The following PAFAH1B1 variants were observed in gnomAD, a reference collection of about 807,000 sequenced individuals.
The protein encoded by PAFAH1B1 is platelet activating factor acetylhydrolase 1b regulatory subunit 1, also known as platelet-activating factor acetylhydrolase IB subunit beta.
Under a neutral mutation model 57.5 loss-of-function variants are expected in PAFAH1B1, and 2 were observed. That is an observed-to-expected ratio of 0.03 (90% CI 0.01 to 0.11). The LOEUF (loss-of-function observed/expected upper bound fraction) is 0.11, where lower values mean the gene tolerates loss of function less well. Ranked by LOEUF, PAFAH1B1 falls within the 10% of genes least tolerant of loss-of-function variation. PAFAH1B1 has a pLI of 1.00. For missense variants in PAFAH1B1, 257 were observed against 512.0 expected, an observed-to-expected ratio of 0.50 and a Z score of 4.81; for synonymous variants, 152 against 169.6, an observed-to-expected ratio of 0.90 and a Z score of 0.81.
At chr17:2,671,366 G>A (rs964154590) in intron 6 of PAFAH1B1, among the ~76,000 whole-genome samples, 2 of 150,768 alleles carry the variant, frequency 1.3e-5, no homozygotes, top group African/African-American at 4.9e-5. Context: ...GCGCCACCAC[G>A]CCCGTCTAAT....
intron 1 of PAFAH1B1, chr17:2,635,316 A>T (rs895513921): frequency 6.6e-6 from 1 of 152,198 alleles, no homozygotes; most frequent in African/African-American, 2.4e-5. Flanking sequence ...TATGTGTTTT[A>T]TCATTATTAG....
chr17:2,638,738 C>G (rs934757913), intron 2 of PAFAH1B1: 1 of 197,342 alleles, frequency 5.1e-6, no homozygotes, highest in South Asian at 8.1e-5. Flanking sequence ...GAACTCCTGA[C>G]CTCAAGTGAT....
intron 1 of PAFAH1B1, among the ~76,000 whole-genome samples, chr17:2,621,200 T>A (rs1239288751): frequency 2.0e-5 from 3 of 152,204 alleles, no homozygotes; most frequent in African/African-American, 7.2e-5. Flanking sequence ...CCATTCGTTA[T>A]TTTTGCTGAT....
At position 2,683,100 on chromosome 17, in the gene PAFAH1B1, G is replaced by A. The variant is rs2151676620; in HGVS notation, c.*1298G>A. 1.3e-5 allele frequency: 2 copies of A among 152,314 alleles called. No individual in the cohort carries two copies. Among genetic ancestry groups the A allele is most frequent in the South Asian group, 4.1e-4 (2 of 4,828 alleles). 9.4% of individuals were successfully genotyped at this position (152,314 alleles called of 1,614,324 possible). Reference sequence around the variant, plus strand: ...GCTTCTGAAAACTAGGTCTGACTCTGGGGATTTTTTTCCAGCCGAAGGAAA... The same window carrying A: ...GCTTCTGAAAACTAGGTCTGACTCTAGGGATTTTTTTCCAGCCGAAGGAAA... On this transcript the variant is annotated 3_prime_UTR_variant, in exon 11 of 11. Transcript: ENST00000397195.
intron 1 of PAFAH1B1, among the ~76,000 whole-genome samples, chr17:2,610,192 C>CA (rs2068252129): frequency 6.6e-6 from 1 of 152,210 alleles, no homozygotes. Flanking sequence ...CTAGCCGACT[C>CA]AGACTTTCAC....
intron 2 of PAFAH1B1, among the ~76,000 whole-genome samples, chr17:2,647,819 A>G (rs533906140): frequency 6.6e-6 from 1 of 151,912 alleles, no homozygotes; most frequent in African/African-American, 2.4e-5. Context: ...CCTGGCTAAC[A>G]CAGTGAAACT....
intron 1 of PAFAH1B1, among the ~76,000 whole-genome samples, chr17:2,598,728 A>T (rs1004507897): frequency 6.6e-6 from 1 of 152,104 alleles, no homozygotes; most frequent in South Asian, 2.1e-4. Flanking sequence ...AATCCTCGTC[A>T]TTGAAGGTCA....
chr17:2,671,393 G>A (rs950331828), intron 6 of PAFAH1B1, among the ~76,000 whole-genome samples: 4 of 151,928 alleles, frequency 2.6e-5, no homozygotes, highest in Non-Finnish European at 4.4e-5. Context: ...ATTTTTAGTA[G>A]AGACGGGGTT....
chr17:2,670,064 G>A, intron 5 of PAFAH1B1, 99 bp from the exon 6 acceptor site: 1 of 920,694 alleles, frequency 1.1e-6, no homozygotes, highest in Non-Finnish European at 1.8e-6. Context: ...TGTTCGGTTA[G>A]TTACTCAGTA....
chr17:2,614,744 T>G (rs757014868), intron 1 of PAFAH1B1, among the ~76,000 whole-genome samples: 3 of 152,070 alleles, frequency 2.0e-5, no homozygotes, highest in Admixed American at 6.6e-5. Flanking sequence ...ATGGCTAGAT[T>G]TTATAATTTT....
chr17:2,616,879 C>T (rs1002585040), intron 1 of PAFAH1B1, among the ~76,000 whole-genome samples: 18 of 151,072 alleles, frequency 1.2e-4, no homozygotes, highest in African/African-American at 3.7e-4. Flanking sequence ...CTGGCTAACA[C>T]GGTGAAACCC....
rs188343756 is a variant in PAFAH1B1, at chr17:2,596,186, A to G, written c.-191+2180A>G. Reference sequence around the variant, plus strand: ...TATTTGTCCCTGTGTGTGTGTGTGTATATATTAATATATAAAGATACACAC... The same window carrying G: ...TATTTGTCCCTGTGTGTGTGTGTGTGTATATTAATATATAAAGATACACAC... On this transcript the variant is annotated intron_variant, in intron 1 of 10. Transcript: ENST00000397195. 1.3e-4 allele frequency among the ~76,000 whole-genome samples: 20 copies of G among 152,092 alleles called. No homozygotes were observed. In the East Asian group the frequency reaches 1.5e-3, roughly 12 times the overall value.
chr17:2,677,025 C>T (rs1236060830), intron 9 of PAFAH1B1, among the ~76,000 whole-genome samples: 3 of 152,096 alleles, frequency 2.0e-5, no homozygotes, highest in South Asian at 2.1e-4. Context: ...TGGTGGCGGG[C>T]GCCTGTAGTC....
intron 1 of PAFAH1B1, among the ~76,000 whole-genome samples, chr17:2,598,118 G>A (rs1168276388): frequency 2.0e-5 from 3 of 152,044 alleles, no homozygotes; most frequent in South Asian, 2.1e-4. Context: ...GCATGGTGGC[G>A]CACACCTGTA....
At chr17:2,653,130 T>G (rs527761516) in intron 2 of PAFAH1B1, among the ~76,000 whole-genome samples, 90 of 152,250 alleles carry the variant, frequency 5.9e-4, no homozygotes, top group African/African-American at 2.1e-3. Context: ...GGGACATGGA[T>G]GAAGCTGGAA....
intron 2 of PAFAH1B1, among the ~76,000 whole-genome samples, chr17:2,664,627 A>G (rs537882732): frequency 8.3e-5 from 11 of 131,936 alleles, no homozygotes; most frequent in African/African-American, 2.6e-4. Context: ...CTGGTCTCCA[A>G]CTCCTGACTT....
chr17:2,602,283 A>G (rs1184720162), intron 1 of PAFAH1B1, among the ~76,000 whole-genome samples: 1 of 152,158 alleles, frequency 6.6e-6, no homozygotes, highest in Non-Finnish European at 1.5e-5. Flanking sequence ...GGGCCTATCA[A>G]TTTGAGAGTT....
At position 2,684,594 on chromosome 17, in the gene PAFAH1B1, TG is replaced by T. The variant is rs750252646; in HGVS notation, c.*2793del. 7.2e-5 allele frequency: 11 copies of T among 152,684 alleles called. No homozygotes were observed. Among genetic ancestry groups the T allele is most frequent in the Non-Finnish European group, 1.5e-4 (10 of 68,058 alleles). 9.5% of individuals were successfully genotyped at this position (152,684 alleles called of 1,614,324 possible). A position where few individuals can be genotyped will look rare whatever the true frequency, so the allele number is the denominator to read the frequency against. On this transcript the variant is annotated 3_prime_UTR_variant, in exon 11 of 11. Coordinates refer to ENST00000397195, the MANE Select transcript of PAFAH1B1 (RefSeq NM_000430.4). ...TGTAACGTGCCCAAGAAATCCTAGC[TG>T]CGCTCTTGAGAGTGCATGCCATGGA...
intron 7 of PAFAH1B1, among the ~76,000 whole-genome samples, chr17:2,673,217 T>G (rs1295980060): frequency 6.6e-6 from 1 of 152,172 alleles, no homozygotes; most frequent in East Asian, 1.9e-4. Context: ...TCTGTACATG[T>G]CTCCCAAAAA....
Sources: gnomAD v4.1 joint callset for allele counts (sites outside exome capture counted in the v4.1 genomes callset) on GRCh38, gnomAD v4.1.1 for gene constraint, MANE v1.5 for transcripts, NCBI Gene and HGNC (gene_info 2026-07-23, HGNC 2026-07-21) for gene names.